The following ZCCHC8 variants were observed in gnomAD, a reference collection of about 807,000 sequenced individuals.
The protein encoded by ZCCHC8 is zinc finger CCHC domain-containing protein 8.
ZCCHC8 carries 27 observed loss-of-function variants against 70.6 expected under a neutral mutation model. The ratio of observed to expected loss-of-function variants is 0.38; its 90% CI spans 0.28 to 0.53. ZCCHC8 has a LOEUF of 0.53. ZCCHC8 is among the 20% of genes least tolerant of loss of function. The pLI, the probability that ZCCHC8 is intolerant of heterozygous loss-of-function variation, is 0.81. For missense variants in ZCCHC8, 737 were observed against 876.9 expected, an observed-to-expected ratio of 0.84 and a Z score of 2.01; for synonymous variants, 293 against 317.4, an observed-to-expected ratio of 0.92 and a Z score of 0.82.
rs1491305664 is a variant in ZCCHC8 at position 122,500,481 on chromosome 12, ACT to A, written c.199+159_199+160del. On this transcript the variant is annotated intron_variant, in intron 1 of 13. Coordinates refer to ENST00000633063, the MANE Select transcript of ZCCHC8 (RefSeq NM_017612.5). The surrounding 1 kb of genome is among the most constrained non-coding windows in gnomAD (Gnocchi z 4.8). ...GCAGCCTGCGCGCCCCGAACCCTAG[ACT>A]CTCGGTCCGCCGGCGGGTGACAGAA... The A allele has an allele frequency of 5.1e-6, 5 of 977,394 alleles. No individual in the cohort carries two copies. Among genetic ancestry groups the A allele is most frequent in the Non-Finnish European group, 7.3e-6 (5 of 684,556 alleles). 60.5% of individuals were successfully genotyped at this position (977,394 alleles called of 1,614,324 possible).
intron 3 of ZCCHC8, 65 bp from the exon 4 acceptor site, chr12:122,490,632 A>C (rs1353668174): frequency 1.1e-6 from 1 of 925,598 alleles, no homozygotes; most frequent in African/African-American, 1.7e-5. Flanking sequence ...CTGAAGTCTT[A>C]TGCATTACTG....
Position 122,500,327 on chromosome 12 carries a change from A to C in ZCCHC8, c.199+315T>G. The C allele has an allele frequency of 3.1e-6, 1 of 327,694 alleles. No individual in the cohort carries two copies. The highest frequency in any genetic ancestry group is 5.6e-6 in the Non-Finnish European group (1 of 178,008). 20.3% of individuals were successfully genotyped at this position (327,694 alleles called of 1,614,324 possible). ...ACCACGACCTCAAACAGAGGGGGGC[A>C]ATTAAGGGCTTGTGTACAATCTGTC... On this transcript the variant is annotated intron_variant, in intron 1 of 13. Coordinates refer to ENST00000633063, the MANE Select transcript of ZCCHC8 (RefSeq NM_017612.5). This position sits in a 1 kb window ranked among gnomAD's most constrained non-coding sequence, Gnocchi z 4.8.
intron 2 of ZCCHC8, among the ~76,000 whole-genome samples, chr12:122,493,370 C>T (rs1358918827): frequency 2.0e-5 from 3 of 151,954 alleles, no homozygotes; most frequent in African/African-American, 4.8e-5. Context: ...GGCCGATTTC[C>T]TTACAAATTA....
chr12:122,477,168 T>C (rs182964631), intron 13 of ZCCHC8, among the ~76,000 whole-genome samples: 75 of 151,434 alleles, frequency 5.0e-4, no homozygotes, highest in Middle Eastern at 3.4e-3. Context: ...ATCTTTTTTT[T>C]TTTTGAGATG....
chr12:122,494,099 C>A (rs1415304183), intron 2 of ZCCHC8, among the ~76,000 whole-genome samples: 2 of 152,096 alleles, frequency 1.3e-5, no homozygotes, highest in African/African-American at 4.8e-5. Flanking sequence ...CCGCAAAAAA[C>A]AGAACTAGAA....
intron 11 of ZCCHC8, 118 bp downstream of exon 11, chr12:122,480,072 A>G (rs1434298057): frequency 6.4e-6 from 6 of 935,384 alleles, no homozygotes; most frequent in African/African-American, 5.0e-5. Flanking sequence ...TCGGACTCCC[A>G]AAGTGTTGGG....
chr12:122,497,123 C>T (rs1957837539), intron 2 of ZCCHC8, among the ~76,000 whole-genome samples: 1 of 151,438 alleles, frequency 6.6e-6, no homozygotes, highest in Non-Finnish European at 1.5e-5. Flanking sequence ...CACTGCACTC[C>T]AGCCTGGGCG....
At chr12:122,480,472 A>AAT in intron 10 of ZCCHC8, 161 bp from the exon 11 acceptor site, 7 of 494,640 alleles carry the variant, frequency 1.4e-5, no homozygotes, top group Non-Finnish European at 2.2e-5. Flanking sequence ...TTAGGACAGA[A>AAT]CTTTTTTTTT....
At chr12:122,485,424 C>CT (rs1193041123) in intron 5 of ZCCHC8, among the ~76,000 whole-genome samples, 1 of 152,122 alleles carries the variant, frequency 6.6e-6, no homozygotes, top group Non-Finnish European at 1.5e-5. Flanking sequence ...TAAGTTATCA[C>CT]TTTTTAATTA....
chr12:122,489,286 G>T, intron 5 of ZCCHC8, 100 bp downstream of exon 5: 3 of 1,022,594 alleles, frequency 2.9e-6, no homozygotes, highest in Non-Finnish European at 4.3e-6. Context: ...ATCAAGTGAA[G>T]ACATATGACT....
rs1957897405 is a variant in ZCCHC8, at chr12:122,500,142, G to C, written c.199+500C>G. 6.4e-6 allele frequency: 1 copy of C among 155,688 alleles called. No individual in the cohort carries two copies. Among genetic ancestry groups the C allele is most frequent in the Non-Finnish European group, 1.4e-5 (1 of 70,168 alleles). 9.6% of individuals were successfully genotyped at this position (155,688 alleles called of 1,614,324 possible). Reference sequence around the variant, plus strand: ...ATCAAGCAATTAACCAATTATCTCAGCACACCCGGATTCCTTGAGGCCCCC... The same window carrying C: ...ATCAAGCAATTAACCAATTATCTCACCACACCCGGATTCCTTGAGGCCCCC... On this transcript the variant is annotated intron_variant, in intron 1 of 13. Transcript: ENST00000633063. This position sits in a 1 kb window ranked among gnomAD's most constrained non-coding sequence, Gnocchi z 4.8.
In ZCCHC8 at chr12:122,473,363, C is replaced by T; in HGVS notation, c.*134G>A. On this transcript the variant is annotated 3_prime_UTR_variant, in exon 14 of 14. Coordinates refer to ENST00000633063, the MANE Select transcript of ZCCHC8 (RefSeq NM_017612.5). ...CAGTCTTTCTTTAAAATAGGCTTGA[C>T]TTTGGAACATGAACCTTGGATAGAT... is the stretch of plus-strand genomic sequence containing the variant. 1 of 1,062,100 alleles carries T rather than the reference C, an allele frequency of 9.4e-7. No individual in the cohort carries two copies. The highest frequency in any genetic ancestry group is 1.8e-5 in the South Asian group (1 of 56,490). The allele number at this position is 1,062,100 out of a possible 1,614,324, so 65.8% of individuals were successfully genotyped here. A position where few individuals can be genotyped will look rare whatever the true frequency, so the allele number is the denominator to read the frequency against.
chr12:122,500,312 C>T lies in ZCCHC8; in HGVS notation c.199+330G>A, dbSNP rs575721553. The T allele has an allele frequency of 3.1e-5, 9 of 293,372 alleles. No homozygotes were observed. The highest frequency in any genetic ancestry group is 5.7e-5 in the Non-Finnish European group (9 of 156,678). The allele number at this position is 293,372 out of a possible 1,614,324, so 18.2% of individuals were successfully genotyped here. On this transcript the variant is annotated intron_variant, in intron 1 of 13. Coordinates refer to ENST00000633063, the MANE Select transcript of ZCCHC8 (RefSeq NM_017612.5). The surrounding 1 kb of genome is among the most constrained non-coding windows in gnomAD (Gnocchi z 4.8). ...GAAATATGAAACCTCACCACGACCT[C>T]AAACAGAGGGGGGCAATTAAGGGCT...
intron 8 of ZCCHC8, 99 bp from the exon 9 acceptor site, chr12:122,482,186 ATTTTAG>A (rs1957549445): frequency 1.7e-5 from 22 of 1,307,980 alleles, no homozygotes; most frequent in Admixed American, 5.7e-5. Context: ...TAAACAGATT[ATTTTAG>A]TTTTAATGTA....
intron 5 of ZCCHC8, among the ~76,000 whole-genome samples, chr12:122,487,705 G>C (rs4758657): frequency 0.61 from 93,032 of 152,012 alleles, 29,340 homozygotes; most frequent in African/African-American, 0.75. Context: ...TTTAAAATAA[G>C]TTTTAGTCTT....
intron 13 of ZCCHC8, among the ~76,000 whole-genome samples, chr12:122,476,829 C>T (rs936829190): frequency 1.3e-5 from 2 of 151,980 alleles, no homozygotes; most frequent in African/African-American, 2.4e-5. Context: ...TCAAGACCAG[C>T]CTGGCTAACA....
chr12:122,488,380 A>G (rs1957681141), intron 5 of ZCCHC8, among the ~76,000 whole-genome samples: 1 of 151,794 alleles, frequency 6.6e-6, no homozygotes, highest in Admixed American at 6.6e-5. Context: ...AGTTCTGGCT[A>G]TGTTGCCCAG....
chr12:122,497,098 G>A lies in ZCCHC8; in HGVS notation c.242+1729C>T, dbSNP rs540092977. 1.9e-3 allele frequency among the ~76,000 whole-genome samples: 285 copies of A among 152,028 alleles called. 4 individuals are homozygous for A. The highest frequency in any genetic ancestry group is 6.6e-3 in the African/African-American group (272 of 41,464). ...GAACCCAGGAGGTGGAGGCTGCAGT[G>A]AGCCGAGGTCATGCCACTGCACTCC... On this transcript the variant is annotated intron_variant, in intron 2 of 13. Coordinates refer to ENST00000633063, the MANE Select transcript of ZCCHC8 (RefSeq NM_017612.5).
intron 2 of ZCCHC8, among the ~76,000 whole-genome samples, chr12:122,498,213 C>G (rs932954624): frequency 1.4e-5 from 2 of 143,458 alleles, no homozygotes; most frequent in African/African-American, 5.3e-5. Context: ...CAGCTCACTG[C>G]AACCTCTACC....
Sources: gnomAD v4.1 joint callset for allele counts (sites outside exome capture counted in the v4.1 genomes callset) on GRCh38, gnomAD v4.1.1 for gene constraint, Gnocchi (gnomAD v3.1) non-coding constraint, MANE v1.5 for transcripts, NCBI Gene and HGNC (gene_info 2026-07-23, HGNC 2026-07-21) for gene names.